The following GRID2 variants were observed in gnomAD, a reference collection of about 807,000 sequenced individuals.
GRID2 encodes glutamate receptor ionotropic, delta-2.
In GRID2, 33 loss-of-function variants were observed where a neutral mutation model predicts 114.8. That is an observed-to-expected ratio of 0.29 (90% CI 0.22 to 0.38). The LOEUF is 0.38. GRID2 is among the 10% of genes least tolerant of loss of function. The pLI is 1.00. For synonymous variants in GRID2, 505 were observed against 449.9 expected (o/e 1.12, Z -1.55); for missense variants, 1,184 against 1,257.7 (o/e 0.94, Z 0.89).
rs111469412 is a variant in GRID2 at position 93,561,404 on chromosome 4, C to T, written c.2193+45993C>T. Among the ~76,000 whole-genome samples the T allele has an allele frequency of 2.8e-3, 430 of 152,078 alleles. 2 individuals are homozygous for T. The highest frequency in any genetic ancestry group is 9.5e-3 in the African/African-American group (395 of 41,522). ...AATTCTCAGGGTAGTTTTAGGTTTA[C>T]GGCAAAATTGAAAGGAAGGTATAGA... On this transcript the variant is annotated intron_variant, in intron 13 of 15. Transcript: ENST00000282020.
intron 1 of GRID2, among the ~76,000 whole-genome samples, chr4:92,557,375 A>G (rs1374862055): frequency 1.3e-5 from 2 of 151,432 alleles, no homozygotes; most frequent in African/African-American, 4.8e-5. Flanking sequence ...GCTAGTAATG[A>G]CATTGGCTTT....
At chr4:93,043,404 G>A (rs1033635655) in intron 2 of GRID2, among the ~76,000 whole-genome samples, 11 of 152,144 alleles carry the variant, frequency 7.2e-5, no homozygotes, top group East Asian at 1.9e-4. Context: ...GGTGCAATAC[G>A]TCATATAAAA....
chr4:93,297,352 G>A (rs1754418448), intron 8 of GRID2, among the ~76,000 whole-genome samples: 1 of 152,124 alleles, frequency 6.6e-6, no homozygotes, highest in African/African-American at 2.4e-5. Context: ...GCATTTATAA[G>A]CATCATAATT....
intron 2 of GRID2, among the ~76,000 whole-genome samples, chr4:92,600,122 TG>T: frequency 7.3e-6 from 1 of 137,406 alleles, no homozygotes; most frequent in Admixed American, 7.6e-5. Context: ...AGGGTGTAGG[TG>T]GGGAAGCAGT....
intron 13 of GRID2, among the ~76,000 whole-genome samples, chr4:93,591,969 A>G (rs983859226): frequency 2.6e-5 from 4 of 151,950 alleles, no homozygotes; most frequent in African/African-American, 9.7e-5. Flanking sequence ...TAGTCTTGCT[A>G]GTGCTCTATC....
At chr4:92,520,820 C>T (rs552903353) in intron 1 of GRID2, among the ~76,000 whole-genome samples, 1 of 152,028 alleles carries the variant, frequency 6.6e-6, no homozygotes, top group East Asian at 2.0e-4. Flanking sequence ...TCTCAATCAA[C>T]ATAGAAGCAT....
chr4:92,565,921 G>C (rs1727313673), intron 1 of GRID2, among the ~76,000 whole-genome samples: 1 of 151,978 alleles, frequency 6.6e-6, no homozygotes, highest in African/African-American at 2.4e-5. Flanking sequence ...TTGTATGTTA[G>C]AAGTCTGGCA....
At chr4:93,151,444 C>G (rs1333334676) in intron 4 of GRID2, among the ~76,000 whole-genome samples, 1 of 130,136 alleles carries the variant, frequency 7.7e-6, no homozygotes, top group East Asian at 2.8e-4. Flanking sequence ...TCAACAGGCT[C>G]AAACTTCAAA....
intron 8 of GRID2, among the ~76,000 whole-genome samples, chr4:93,388,682 A>G (rs988286217): frequency 6.6e-6 from 1 of 152,236 alleles, no homozygotes; most frequent in African/African-American, 2.4e-5. Flanking sequence ...CTTTAAGCAG[A>G]TGTTATAATC....
At chr4:92,940,337 G>C (rs1007197835) in intron 2 of GRID2, among the ~76,000 whole-genome samples, 2 of 146,854 alleles carry the variant, frequency 1.4e-5, no homozygotes, top group Non-Finnish European at 3.0e-5. Flanking sequence ...AATTGTGAAT[G>C]GGAGTTCACT....
chr4:93,677,951 G>C (rs1578544754), intron 14 of GRID2, among the ~76,000 whole-genome samples: 1 of 149,958 alleles, frequency 6.7e-6, no homozygotes, highest in Admixed American at 6.6e-5. Context: ...GACGAGTTGA[G>C]AGAAGGCTTC....
intron 3 of GRID2, among the ~76,000 whole-genome samples, chr4:93,106,432 C>T (rs1399753567): frequency 2.6e-5 from 4 of 152,104 alleles, no homozygotes; most frequent in East Asian, 3.9e-4. Flanking sequence ...CTGCAACCTC[C>T]GCCTCCTGGG....
At chr4:93,644,425 A>G (rs893743929) in intron 14 of GRID2, among the ~76,000 whole-genome samples, 10 of 152,168 alleles carry the variant, frequency 6.6e-5, no homozygotes, top group African/African-American at 2.4e-4. Context: ...ACGCTAAAAA[A>G]AATCGTGAGA....
chr4:92,747,061 G>A (rs568670077), intron 2 of GRID2, among the ~76,000 whole-genome samples: 3 of 152,000 alleles, frequency 2.0e-5, no homozygotes, highest in Non-Finnish European at 4.4e-5. Context: ...TTATCATATA[G>A]GAGTTGGATA....
intron 1 of GRID2, among the ~76,000 whole-genome samples, chr4:92,452,969 T>C (rs1721017513): frequency 6.7e-6 from 1 of 150,224 alleles, no homozygotes; most frequent in Non-Finnish European, 1.5e-5. Context: ...TGTGTGTGCA[T>C]ACACTTATGC....
At chr4:93,195,751 G>A (rs193291507) in intron 4 of GRID2, among the ~76,000 whole-genome samples, 3 of 152,274 alleles carry the variant, frequency 2.0e-5, no homozygotes, top group Non-Finnish European at 4.4e-5. Context: ...TCCATTTCTA[G>A]GAAAGGTAGA....
chr4:93,712,206 A>G (rs981172203), intron 14 of GRID2, among the ~76,000 whole-genome samples: 3 of 152,094 alleles, frequency 2.0e-5, no homozygotes, highest in East Asian at 1.9e-4. Flanking sequence ...TTCTTATTTA[A>G]GAAATCAATC....
intron 1 of GRID2, among the ~76,000 whole-genome samples, chr4:92,551,560 T>C (rs1335679511): frequency 6.6e-6 from 1 of 152,158 alleles, no homozygotes; most frequent in Non-Finnish European, 1.5e-5. Flanking sequence ...ACATTTGTTT[T>C]AGCTAATCAT....
intron 2 of GRID2, among the ~76,000 whole-genome samples, chr4:92,604,231 T>G (rs1252765263): frequency 6.6e-6 from 1 of 152,034 alleles, no homozygotes; most frequent in African/African-American, 2.4e-5. Flanking sequence ...ATAAAAATAC[T>G]TGCATGCGTA....
Sources: gnomAD v4.1 joint callset for allele counts (sites outside exome capture counted in the v4.1 genomes callset) on GRCh38, gnomAD v4.1.1 for gene constraint, MANE v1.5 for transcripts, NCBI Gene and HGNC (gene_info 2026-07-23, HGNC 2026-07-21) for gene names.